RNF152: variants seen among roughly 807,000 people sequenced by gnomAD.
The protein encoded by RNF152 is ring finger protein 152.
RNF152 carries 11 observed loss-of-function variants against 12.7 expected under a neutral mutation model. That is an observed-to-expected ratio of 0.86 (90% CI 0.54 to 1.43). The LOEUF (loss-of-function observed/expected upper bound fraction) is 1.43, where lower values mean the gene tolerates loss of function less well. Among genes scored for constraint, RNF152 ranks in the 40% most tolerant of loss-of-function variants. RNF152 has a pLI of 0.00. For missense variants in RNF152, 255 were observed against 274.8 expected (o/e 0.93, Z 0.51); for synonymous variants, 113 against 120.3 (o/e 0.94, Z 0.40).
intron 1 of RNF152, among the ~76,000 whole-genome samples, chr18:61,823,566 T>C (rs1032988103): frequency 3.9e-5 from 6 of 152,250 alleles, no homozygotes; most frequent in African/African-American, 1.4e-4. Context: ...CTCAAAGTGC[T>C]GGGATCACAG....
intron 1 of RNF152, among the ~76,000 whole-genome samples, chr18:61,850,112 G>A (rs915417190): frequency 1.3e-5 from 2 of 152,126 alleles, no homozygotes; most frequent in Non-Finnish European, 2.9e-5. Flanking sequence ...GCAATAATAC[G>A]GTAGTGTTGA....
intron 1 of RNF152, among the ~76,000 whole-genome samples, chr18:61,846,625 G>A (rs1167633547): frequency 6.6e-6 from 1 of 152,204 alleles, no homozygotes; most frequent in African/African-American, 2.4e-5. Flanking sequence ...TTGCTAGGGT[G>A]TAAGCTCCAC....
intron 1 of RNF152, among the ~76,000 whole-genome samples, chr18:61,836,221 T>G (rs1568271149): frequency 6.6e-6 from 1 of 152,108 alleles, no homozygotes; most frequent in Non-Finnish European, 1.5e-5. Context: ...AATGTCCTTT[T>G]GTGCCATCAC....
chr18:61,836,497 G>C (rs1361412354), intron 1 of RNF152, among the ~76,000 whole-genome samples: 1 of 152,100 alleles, frequency 6.6e-6, no homozygotes, highest in Non-Finnish European at 1.5e-5. Flanking sequence ...AAAGATCAGT[G>C]CCCTCTCTCT....
intron 1 of RNF152, among the ~76,000 whole-genome samples, chr18:61,852,257 C>T (rs901251838): frequency 1.3e-5 from 2 of 152,288 alleles, no homozygotes; most frequent in South Asian, 4.2e-4. Context: ...AAGGGACTTT[C>T]CCATTTGAGG....
chr18:61,821,341 T>C (rs1237581638), intron 1 of RNF152, among the ~76,000 whole-genome samples: 2 of 152,248 alleles, frequency 1.3e-5, no homozygotes, highest in Non-Finnish European at 2.9e-5. Flanking sequence ...GCAGCCTCTC[T>C]GATTTATGCA....
At chr18:61,860,390 C>T (rs1167175628) in intron 1 of RNF152, among the ~76,000 whole-genome samples, 1 of 152,188 alleles carries the variant, frequency 6.6e-6, no homozygotes, top group Non-Finnish European at 1.5e-5. Flanking sequence ...ACGTTTCGGT[C>T]AATAACAGAT....
chr18:61,870,155 C>G (rs145529949), intron 1 of RNF152, among the ~76,000 whole-genome samples: 1 of 152,160 alleles, frequency 6.6e-6, no homozygotes, highest in Non-Finnish European at 1.5e-5. Context: ...ACATTTATCA[C>G]GAATACCCTG....
In RNF152 at chr18:61,809,118, A is replaced by C. The variant is rs1469236583; in HGVS notation, c.*6734T>G. The stretch of plus-strand genomic sequence containing the variant: ...CTCCTATATGTCTTGTTTTGCAGCT[A>C]TACTCTTCCTTTATTAAGTATTTTC... On this transcript the variant is annotated 3_prime_UTR_variant, in exon 2 of 2. Coordinates refer to ENST00000312828, the MANE Select transcript of RNF152 (RefSeq NM_173557.3). The C allele has an allele frequency of 6.6e-6, 1 of 152,098 alleles. No homozygotes were observed. Among genetic ancestry groups the C allele is most frequent in the Non-Finnish European group, 1.5e-5 (1 of 68,054 alleles). 9.4% of individuals were successfully genotyped at this position (152,098 alleles called of 1,614,324 possible). A position where few individuals can be genotyped will look rare whatever the true frequency, so the allele number is the denominator to read the frequency against.
At chr18:61,853,296 C>CTTTTTTTTT (rs35190141) in intron 1 of RNF152, among the ~76,000 whole-genome samples, 1 of 127,516 alleles carries the variant, frequency 7.8e-6, no homozygotes, top group Non-Finnish European at 1.6e-5. Context: ...GTTCCTTGCC[C>CTTTTTTTTT]TTTTTTTTTT....
chr18:61,891,486 T>C (rs1324262592), intron 1 of RNF152, among the ~76,000 whole-genome samples: 1 of 152,178 alleles, frequency 6.6e-6, no homozygotes, highest in Admixed American at 6.5e-5. Context: ...TTCCCTATTA[T>C]CCCATCACAT....
At chr18:61,889,670 A>G (rs1464760154) in intron 1 of RNF152, among the ~76,000 whole-genome samples, 1 of 152,172 alleles carries the variant, frequency 6.6e-6, no homozygotes, top group Non-Finnish European at 1.5e-5. Context: ...TGCTTTTTCT[A>G]AACATCAAAG....
chr18:61,889,188 A>G (rs142406268), intron 1 of RNF152, among the ~76,000 whole-genome samples: 22 of 152,096 alleles, frequency 1.4e-4, no homozygotes, highest in African/African-American at 4.6e-4. Flanking sequence ...GGTGGTCTCA[A>G]CCTCCCTAGG....
intron 1 of RNF152, among the ~76,000 whole-genome samples, chr18:61,883,193 T>C (rs1054190834): frequency 6.6e-6 from 1 of 152,188 alleles, no homozygotes; most frequent in African/African-American, 2.4e-5. Context: ...TGCACTTCTC[T>C]ATGCAGCTTT....
chr18:61,826,330 G>A (rs1368474613), intron 1 of RNF152, among the ~76,000 whole-genome samples: 1 of 151,944 alleles, frequency 6.6e-6, no homozygotes, highest in Non-Finnish European at 1.5e-5. Context: ...CCCTCTTCAG[G>A]GTAGTTTCAT....
intron 1 of RNF152, among the ~76,000 whole-genome samples, chr18:61,887,290 G>T (rs1019802562): frequency 2.0e-5 from 3 of 152,332 alleles, no homozygotes; most frequent in Non-Finnish European, 4.4e-5. Context: ...TTCCAAACTG[G>T]AGTGGGGTGG....
At chr18:61,829,604 G>A (rs1283692598) in intron 1 of RNF152, among the ~76,000 whole-genome samples, 1 of 151,044 alleles carries the variant, frequency 6.6e-6, no homozygotes, top group African/African-American at 2.4e-5. Context: ...TAAGGAGAGA[G>A]AGAGAGAGAG....
intron 1 of RNF152, among the ~76,000 whole-genome samples, chr18:61,830,497 T>C (rs1306056748): frequency 6.6e-6 from 1 of 152,240 alleles, no homozygotes; most frequent in Non-Finnish European, 1.5e-5. Context: ...CCTTCAACCA[T>C]TGTCCTAATA....
intron 1 of RNF152, among the ~76,000 whole-genome samples, chr18:61,857,434 C>A (rs1911276841): frequency 2.0e-5 from 3 of 152,110 alleles, no homozygotes; most frequent in Admixed American, 2.0e-4. Context: ...ACCTTTAGGG[C>A]CTCAGAATAG....
Sources: allele counts gnomAD v4.1 joint callset (sites outside exome capture counted in the v4.1 genomes callset), GRCh38; gene constraint gnomAD v4.1.1; transcripts MANE v1.5; gene names NCBI Gene and HGNC (gene_info 2026-07-23, HGNC 2026-07-21).